TMEM163: variants seen among roughly 807,000 people sequenced by gnomAD.
TMEM163 encodes the protein transmembrane protein 163.
In TMEM163, 17 loss-of-function variants were observed where a neutral mutation model predicts 29.3. The ratio of observed to expected loss-of-function variants is 0.58; its 90% CI spans 0.40 to 0.87. The LOEUF is 0.87. Among genes scored for constraint, TMEM163 ranks in the 40% least tolerant of loss-of-function variants. The pLI, the probability that TMEM163 is intolerant of heterozygous loss-of-function variation, is 0.00. For missense variants in TMEM163, 303 were observed against 381.5 expected (o/e 0.79, Z 1.71); for synonymous variants, 157 against 160.6 (o/e 0.98, Z 0.17).
chr2:134,499,828 C>T (rs1463864669), intron 5 of TMEM163, among the ~76,000 whole-genome samples: 2 of 152,158 alleles, frequency 1.3e-5, no homozygotes, highest in African/African-American at 4.8e-5. Context: ...GTCTGTGACA[C>T]AGAGGCCCTA....
chr2:134,510,479 G>A (rs1409708358), intron 4 of TMEM163, among the ~76,000 whole-genome samples: 1 of 152,052 alleles, frequency 6.6e-6, no homozygotes, highest in Non-Finnish European at 1.5e-5. Context: ...TAGAGGGAGG[G>A]GAATAGCCTG....
At chr2:134,611,850 G>C (rs1007798913) in intron 2 of TMEM163, among the ~76,000 whole-genome samples, 4 of 152,164 alleles carry the variant, frequency 2.6e-5, no homozygotes, top group African/African-American at 4.8e-5. Flanking sequence ...CCATGTTGGG[G>C]GAAACAGGCA....
intron 2 of TMEM163, among the ~76,000 whole-genome samples, chr2:134,666,982 G>A (rs960427360): frequency 6.6e-6 from 1 of 152,170 alleles, no homozygotes; most frequent in African/African-American, 2.4e-5. Flanking sequence ...CCTCTGTGAT[G>A]CTGTGGCTTC....
intron 4 of TMEM163, among the ~76,000 whole-genome samples, chr2:134,520,222 T>G (rs1165997244): frequency 2.0e-5 from 3 of 152,200 alleles, no homozygotes; most frequent in Non-Finnish European, 4.4e-5. Flanking sequence ...AAATGACTGA[T>G]TTGTCCATTC....
intron 5 of TMEM163, among the ~76,000 whole-genome samples, chr2:134,486,795 T>A (rs575381317): frequency 7.2e-5 from 11 of 152,154 alleles, no homozygotes; most frequent in Non-Finnish European, 1.3e-4. Flanking sequence ...AAAGCACAGA[T>A]GCAAAACTCC....
chr2:134,684,586 T>G (rs186303067), intron 2 of TMEM163, among the ~76,000 whole-genome samples: 159 of 152,158 alleles, frequency 1.0e-3, no homozygotes, highest in African/African-American at 3.4e-3. Flanking sequence ...GGCACAAGAA[T>G]AGGATGGAGC....
chr2:134,598,544 C>T lies in TMEM163; in HGVS notation c.323-46453G>A, dbSNP rs1282675960. On this transcript the variant is annotated intron_variant, in intron 2 of 7. Transcript: ENST00000281924. ...CTCAGATAAGAACCTAGGCAGCCTG[C>T]TCCGTGGCTCGTGCTTTTAGCCACT... Among the ~76,000 whole-genome samples, 7 of 152,324 alleles carry T rather than the reference C, an allele frequency of 4.6e-5. No individual in the cohort carries two copies. In the East Asian group the frequency reaches 1.4e-3, roughly 29 times the overall value.
chr2:134,547,962 C>T (rs563014539), intron 4 of TMEM163, among the ~76,000 whole-genome samples: 3 of 152,234 alleles, frequency 2.0e-5, no homozygotes, highest in African/African-American at 7.2e-5. Flanking sequence ...CACAATTATT[C>T]GTGGCTTTCT....
intron 4 of TMEM163, among the ~76,000 whole-genome samples, chr2:134,520,562 TTG>T (rs970977652): frequency 1.3e-5 from 2 of 152,228 alleles, no homozygotes; most frequent in Non-Finnish European, 1.5e-5. Context: ...TGGCACAGTT[TTG>T]TGTGTGTGAG....
intron 2 of TMEM163, among the ~76,000 whole-genome samples, chr2:134,596,174 T>G (rs1682078174): frequency 6.6e-6 from 1 of 152,262 alleles, no homozygotes; most frequent in Non-Finnish European, 1.5e-5. Context: ...GTTTTAGACA[T>G]GAAGTCCTTG....
intron 1 of TMEM163, 31 bp from the exon 2 acceptor site, chr2:134,713,350 A>G: frequency 1.9e-6 from 3 of 1,611,576 alleles, no homozygotes; most frequent in Non-Finnish European, 2.5e-6. Flanking sequence ...GGGAAGTTAG[A>G]CATTTCCTTA....
intron 2 of TMEM163, among the ~76,000 whole-genome samples, chr2:134,679,960 C>T (rs967894904): frequency 7.0e-5 from 10 of 142,404 alleles, no homozygotes; most frequent in African/African-American, 2.6e-4. Context: ...CCAGAATAAA[C>T]GTACTTTAAG....
At chr2:134,498,623 C>T (rs751546124) in intron 5 of TMEM163, among the ~76,000 whole-genome samples, 16 of 152,284 alleles carry the variant, frequency 1.1e-4, no homozygotes, top group South Asian at 6.2e-4. Context: ...TGAGCCACCA[C>T]GCCCAGCCAG....
At chr2:134,677,677 C>CA (rs1684145594) in intron 2 of TMEM163, among the ~76,000 whole-genome samples, 1 of 151,968 alleles carries the variant, frequency 6.6e-6, no homozygotes, top group Non-Finnish European at 1.5e-5. Context: ...TAGGAATGAA[C>CA]AAAAAATATT....
chr2:134,555,810 C>T (rs1300104606), intron 2 of TMEM163, among the ~76,000 whole-genome samples: 1 of 152,240 alleles, frequency 6.6e-6, no homozygotes, highest in African/African-American at 2.4e-5. Flanking sequence ...GCCAGCCCAG[C>T]ATGCAGTCCC....
chr2:134,606,164 A>T (rs1292556448), intron 2 of TMEM163, among the ~76,000 whole-genome samples: 1 of 152,072 alleles, frequency 6.6e-6, no homozygotes, highest in Non-Finnish European at 1.5e-5. Flanking sequence ...GCAAATTTCT[A>T]AACACAGCAC....
At chr2:134,685,148 T>C in intron 2 of TMEM163, among the ~76,000 whole-genome samples, 1 of 152,102 alleles carries the variant, frequency 6.6e-6, no homozygotes, top group East Asian at 1.9e-4. Context: ...CTCTCAAGGG[T>C]CAAACAGTAT....
At position 134,554,422 on chromosome 2, in the gene TMEM163, C is replaced by CAAAA. The variant is rs941286100; in HGVS notation, c.323-2335_323-2332dup. Among the ~76,000 whole-genome samples, 54 of 21,140 alleles carry CAAAA rather than the reference C, an allele frequency of 2.6e-3. 4 individuals are homozygous for CAAAA. Among genetic ancestry groups the CAAAA allele is most frequent in the African/African-American group, 6.2e-3 (46 of 7,436 alleles). The allele number at this position is 21,140 out of a possible 152,430, so 13.9% of individuals were successfully genotyped here. A position where few individuals can be genotyped will look rare whatever the true frequency, so the allele number is the denominator to read the frequency against. On this transcript the variant is annotated intron_variant, in intron 2 of 7. Coordinates refer to ENST00000281924, the MANE Select transcript of TMEM163 (RefSeq NM_030923.5). ...TTGGTGACAGAGCGAGACCCCATCT[C>CAAAA]AAAAAAAAAAAAAAAAAAAAAAAAA... is the stretch of plus-strand genomic sequence containing the variant.
In TMEM163 at chr2:134,502,978, C is replaced by T. The variant is rs767849159; in HGVS notation, c.478G>A (p.Val160Met). The T allele has an allele frequency of 6.2e-7, 1 of 1,613,694 alleles. No homozygotes were observed. The highest frequency in any genetic ancestry group is 1.1e-5 in the South Asian group (1 of 90,932). The change falls in exon 5 of 8, where the codon GTG (valine) becomes ATG (methionine). Residue 160 changes from valine (V) to methionine (M), a missense_variant. Around this residue, in one of 2 missense-constraint regions of TMEM163, gnomAD observed 203 missense variants for 294.3 expected, o/e 0.69. Transcript: ENST00000281924. ...CATATGGATGACAGAAGGAATATCA[C>T]CCCCAAGATGACACAGGCTCTGCAA... is the stretch of plus-strand genomic sequence containing the variant. The part of the protein sequence containing the change: ...REYIACVILG[V>M]IFLLSSICIV...
Sources: allele counts gnomAD v4.1 joint callset (sites outside exome capture counted in the v4.1 genomes callset), GRCh38; gene constraint gnomAD v4.1.1; regional missense constraint gnomAD v4.1.1; transcripts MANE v1.5; gene names NCBI Gene and HGNC (gene_info 2026-07-23, HGNC 2026-07-21).